The following GPR158 variants were observed in gnomAD, a reference collection of about 807,000 sequenced individuals.
GPR158 encodes metabotropic glycine receptor.
In GPR158, 30 loss-of-function variants were observed where a neutral mutation model predicts 78.2. The ratio of observed to expected loss-of-function variants is 0.38; its 90% CI spans 0.29 to 0.52. GPR158 has a LOEUF of 0.52. Among genes scored for constraint, GPR158 ranks in the 20% least tolerant of loss-of-function variants. GPR158 has a pLI of 0.83. For missense variants in GPR158, 1,463 were observed against 1,523.5 expected, an observed-to-expected ratio of 0.96 and a Z score of 0.66; for synonymous variants, 581 against 591.1, an observed-to-expected ratio of 0.98 and a Z score of 0.25.
intron 2 of GPR158, among the ~76,000 whole-genome samples, chr10:25,227,102 C>T (rs1361453152): frequency 2.6e-5 from 4 of 151,860 alleles, no homozygotes; most frequent in Non-Finnish European, 5.9e-5. Flanking sequence ...TTGAGTTTTC[C>T]ACTATGCTCT....
intron 2 of GPR158, among the ~76,000 whole-genome samples, chr10:25,371,224 G>T (rs1588830733): frequency 6.7e-6 from 1 of 149,736 alleles, no homozygotes; most frequent in Non-Finnish European, 1.5e-5. Context: ...ATGTTAGCTG[G>T]TTATTTTGCT....
intron 1 of GPR158, among the ~76,000 whole-genome samples, chr10:25,218,128 T>C (rs1032742479): frequency 6.6e-6 from 1 of 152,196 alleles, no homozygotes; most frequent in South Asian, 2.1e-4. Flanking sequence ...CTTTCTGTTA[T>C]ATCCCCCAAA....
intron 6 of GPR158, among the ~76,000 whole-genome samples, chr10:25,556,016 T>C (rs181530649): frequency 6.6e-6 from 1 of 152,318 alleles, no homozygotes; most frequent in Non-Finnish European, 1.5e-5. Context: ...ATTTATTTAT[T>C]TTATGTATTC....
At chr10:25,436,214 A>G (rs1588863565) in intron 4 of GPR158, among the ~76,000 whole-genome samples, 1 of 152,260 alleles carries the variant, frequency 6.6e-6, no homozygotes, top group Admixed American at 6.5e-5. Flanking sequence ...ACATGTGTAT[A>G]CTAAAGCATT....
At chr10:25,211,459 A>G (rs2130669817) in intron 1 of GPR158, among the ~76,000 whole-genome samples, 1 of 152,304 alleles carries the variant, frequency 6.6e-6, no homozygotes, top group African/African-American at 2.4e-5. Flanking sequence ...CTACTCGTGC[A>G]CAGGAAAAAG....
At chr10:25,561,712 C>T (rs908288558) in intron 6 of GPR158, among the ~76,000 whole-genome samples, 1 of 137,410 alleles carries the variant, frequency 7.3e-6, no homozygotes, top group Non-Finnish European at 1.7e-5. Flanking sequence ...GGTGTTTATG[C>T]TTAGTTAATA....
At chr10:25,516,295 G>A (rs1191921620) in intron 5 of GPR158, among the ~76,000 whole-genome samples, 14 of 147,798 alleles carry the variant, frequency 9.5e-5, no homozygotes, top group South Asian at 4.3e-4. Context: ...AGTAGGTTGC[G>A]AAAATTTTCT....
intron 2 of GPR158, among the ~76,000 whole-genome samples, chr10:25,288,900 T>C (rs1854392425): frequency 6.6e-6 from 1 of 152,238 alleles, no homozygotes; most frequent in African/African-American, 2.4e-5. Flanking sequence ...TTCTCTTTTA[T>C]TTAATACAAT....
At chr10:25,183,402 C>A (rs771728582) in intron 1 of GPR158, among the ~76,000 whole-genome samples, 1 of 152,084 alleles carries the variant, frequency 6.6e-6, no homozygotes, top group Non-Finnish European at 1.5e-5. Flanking sequence ...TAGGATAAAT[C>A]TAGTTTTATT....
chr10:25,353,027 A>G (rs565038113), intron 2 of GPR158, among the ~76,000 whole-genome samples: 1 of 152,072 alleles, frequency 6.6e-6, no homozygotes, highest in Non-Finnish European at 1.5e-5. Flanking sequence ...AGCTTTGCTT[A>G]TATTCCTTGG....
intron 2 of GPR158, among the ~76,000 whole-genome samples, chr10:25,365,818 C>T (rs1148154): frequency 0.62 from 93,818 of 151,336 alleles, 30,677 homozygotes; most frequent in Non-Finnish European, 0.75. Context: ...ACAAAGAGAA[C>T]GTACTTCGAG....
intron 2 of GPR158, among the ~76,000 whole-genome samples, chr10:25,366,586 C>T (rs969412781): frequency 6.6e-6 from 1 of 151,628 alleles, no homozygotes; most frequent in Non-Finnish European, 1.5e-5. Flanking sequence ...ATAAAATCTA[C>T]TCTCAGCAAT....
chr10:25,348,945 A>C (rs565530897), intron 2 of GPR158, among the ~76,000 whole-genome samples: 69 of 152,024 alleles, frequency 4.5e-4, no homozygotes, highest in Non-Finnish European at 8.7e-4. Flanking sequence ...GATGTTCATT[A>C]TTATTTCACC....
chr10:25,305,775 A>T (rs1029037285), intron 2 of GPR158, among the ~76,000 whole-genome samples: 3 of 152,224 alleles, frequency 2.0e-5, no homozygotes, highest in African/African-American at 7.2e-5. Context: ...GGATTAAATC[A>T]TAAATATGGC....
At chr10:25,301,058 T>C (rs2130774611) in intron 2 of GPR158, among the ~76,000 whole-genome samples, 1 of 152,326 alleles carries the variant, frequency 6.6e-6, no homozygotes, top group African/African-American at 2.4e-5. Flanking sequence ...TTAACCATTT[T>C]GTGTAATATC....
chr10:25,388,357 C>T (rs956697272), intron 2 of GPR158, among the ~76,000 whole-genome samples: 13 of 152,166 alleles, frequency 8.5e-5, no homozygotes, highest in African/African-American at 1.9e-4. Context: ...GGCAGTCAAC[C>T]ACACCACCCC....
intron 5 of GPR158, among the ~76,000 whole-genome samples, chr10:25,517,346 A>T (rs1836192401): frequency 6.6e-6 from 1 of 151,946 alleles, no homozygotes; most frequent in African/African-American, 2.4e-5. Context: ...CTCTTTTCCT[A>T]ACTGAATACC....
intron 4 of GPR158, among the ~76,000 whole-genome samples, chr10:25,429,308 A>T (rs989932667): frequency 6.6e-5 from 10 of 152,244 alleles, no homozygotes; most frequent in African/African-American, 2.4e-4. Flanking sequence ...TATGCATGGT[A>T]TATGTCACTA....
rs768947753 is a variant in GPR158 at position 25,412,243 on chromosome 10, C to T, written c.1112-7C>T. On this transcript the variant is annotated splice_region_variant and splice_polypyrimidine_tract_variant and intron_variant, in intron 3 of 10. Transcript: ENST00000376351. ...AATGACACTGTGGTTTTATTTGGAA[C>T]TTTCAGGAAGGGGTCCGGATCAGCA... The T allele has an allele frequency of 3.7e-5, 60 of 1,607,714 alleles. 1 individual carries two copies. In the East Asian group the frequency reaches 1.2e-3, roughly 33 times the overall value.
Sources: allele counts gnomAD v4.1 joint callset (sites outside exome capture counted in the v4.1 genomes callset), GRCh38; gene constraint gnomAD v4.1.1; transcripts MANE v1.5; gene names NCBI Gene and HGNC (gene_info 2026-07-23, HGNC 2026-07-21).